The following KLHL8 variants were observed in gnomAD, a reference collection of about 807,000 sequenced individuals.
The protein encoded by KLHL8 is kelch like family member 8.
In KLHL8, 38 loss-of-function variants were observed where a neutral mutation model predicts 63.5. The ratio of observed to expected loss-of-function variants is 0.60; its 90% CI spans 0.46 to 0.78. The LOEUF is 0.78. Among genes scored for constraint, KLHL8 ranks in the 30% least tolerant of loss-of-function variants. The pLI, the probability that KLHL8 is intolerant of heterozygous loss-of-function variation, is 0.00. For synonymous variants in KLHL8, 224 were observed against 254.3 expected (o/e 0.88, Z 1.13); for missense variants, 566 against 752.4 (o/e 0.75, Z 2.90).
At chr4:87,233,996 T>C (rs960454276) in intron 1 of KLHL8, among the ~76,000 whole-genome samples, 6 of 152,200 alleles carry the variant, frequency 3.9e-5, no homozygotes, top group African/African-American at 1.4e-4. Flanking sequence ...TCACAATCAG[T>C]GTTCACTTAT....
chr4:87,217,254 A>G (rs1301862663), intron 1 of KLHL8, among the ~76,000 whole-genome samples: 1 of 149,446 alleles, frequency 6.7e-6, no homozygotes, highest in African/African-American at 2.5e-5. Context: ...AAAAAAAAAA[A>G]GACATAGTCA....
intron 1 of KLHL8, among the ~76,000 whole-genome samples, chr4:87,239,060 T>A (rs1733283806): frequency 1.3e-5 from 2 of 152,238 alleles, no homozygotes; most frequent in South Asian, 4.1e-4. Context: ...AGCTCTGGAT[T>A]CTTTTGTCTT....
intron 2 of KLHL8, among the ~76,000 whole-genome samples, chr4:87,191,313 G>A (rs1731477580): frequency 6.6e-6 from 1 of 152,122 alleles, no homozygotes; most frequent in South Asian, 2.1e-4. Flanking sequence ...TACAAAAAGT[G>A]CAAAAATTAA....
At chr4:87,164,983 C>T (rs1293107361) in intron 8 of KLHL8, among the ~76,000 whole-genome samples, 3 of 151,668 alleles carry the variant, frequency 2.0e-5, no homozygotes, top group East Asian at 1.9e-4. Flanking sequence ...CCCGTCTCTA[C>T]TAAAAATACA....
At chr4:87,224,915 T>C (rs1732945165), upstream of KLHL8, among the ~76,000 whole-genome samples, 1 of 152,334 alleles carries the variant, frequency 6.6e-6, no homozygotes, top group South Asian at 2.1e-4. Context: ...TTTTTGTTTT[T>C]ATTTTGTTAA....
upstream of KLHL8, among the ~76,000 whole-genome samples, chr4:87,224,320 A>G (rs1578409511): frequency 6.6e-6 from 1 of 152,190 alleles, no homozygotes; most frequent in East Asian, 1.9e-4. Context: ...AGAATTTCAG[A>G]TGTGGGCTGG....
In KLHL8 at chr4:87,217,731, C is replaced by G. The variant is rs1732656350; in HGVS notation, c.-152+2687G>C. ...CTCAAACTCCTGGGCTCAAGCAATCCTCCTGCCTTGACCTCCCAAATTGCA... is the reference window on the plus strand; with the variant it reads ...CTCAAACTCCTGGGCTCAAGCAATCGTCCTGCCTTGACCTCCCAAATTGCA... On this transcript the variant is annotated intron_variant, in intron 1 of 9. Transcript: ENST00000273963. Among the ~76,000 whole-genome samples, 4 of 151,226 alleles carry G rather than the reference C, an allele frequency of 2.6e-5. No homozygotes were observed. In the South Asian group the frequency reaches 8.4e-4, roughly 32 times the overall value.
chr4:87,163,725 T>C (rs1730265677), intron 9 of KLHL8, 83 bp from the exon 10 acceptor site: 2 of 1,579,396 alleles, frequency 1.3e-6, no homozygotes, highest in South Asian at 2.3e-5. Context: ...ATTCCCTATG[T>C]GAGACTGGTT....
intron 8 of KLHL8, 55 bp downstream of exon 8, chr4:87,170,024 T>C (rs1029090924): frequency 6.5e-5 from 90 of 1,383,240 alleles, no homozygotes; most frequent in Non-Finnish European, 7.4e-5. Flanking sequence ...TACTCTGTTA[T>C]ATGACACTTG....
intron 1 of KLHL8, among the ~76,000 whole-genome samples, chr4:87,216,305 A>C (rs1208861964): frequency 6.6e-6 from 1 of 152,234 alleles, no homozygotes; most frequent in Admixed American, 6.5e-5. Context: ...ACAGATACTC[A>C]GTGCTTCAAA....
intron 1 of KLHL8, among the ~76,000 whole-genome samples, chr4:87,217,843 C>A (rs978769791): frequency 1.3e-5 from 2 of 151,826 alleles, no homozygotes; most frequent in African/African-American, 4.8e-5. Context: ...ATATAAGTAA[C>A]CAAAAATTTA....
Position 87,170,494 on chromosome 4 carries a change from C to A in KLHL8, c.1330G>T (p.Ala444Ser). Residue 444 changes from alanine to serine, a missense_variant, in exon 7 of 10, where the codon GCA (alanine) becomes TCA (serine). By Grantham distance (99) the Ala-to-Ser change is moderately conservative (BLOSUM62 1). Transcript: ENST00000273963. ...CCTCCACGGGGAGTATTCATTGGTG[C>A]CACTGTACTCCACTGATCAGATTCT... The part of the protein sequence containing the change: ...DIESDQWSTV[A>S]PMNTPRGGVG... 2 of 1,613,164 alleles carry A rather than the reference C, an allele frequency of 1.2e-6. No individual in the cohort carries two copies. Among genetic ancestry groups the A allele is most frequent in the Non-Finnish European group, 1.7e-6 (2 of 1,179,660 alleles).
At chr4:87,192,566 A>G (rs1227706743) in intron 2 of KLHL8, among the ~76,000 whole-genome samples, 3 of 152,220 alleles carry the variant, frequency 2.0e-5, no homozygotes, top group East Asian at 1.9e-4. Context: ...ACAACAAGCT[A>G]TACCATATAG....
In KLHL8 at chr4:87,172,991, A is replaced by G. The variant is rs149789382; in HGVS notation, c.1209-2376T>C. ...CCATCAGATAAAATATCCTTGGCAA[A>G]CTTGAAAGGCCTTCAACCTTTACTT... On this transcript the variant is annotated intron_variant, in intron 6 of 9. Coordinates refer to ENST00000273963, the MANE Select transcript of KLHL8 (RefSeq NM_020803.5). Among the ~76,000 whole-genome samples the G allele has an allele frequency of 2.7e-3, 406 of 152,318 alleles. 4 individuals carry two copies. The highest frequency in any genetic ancestry group is 9.4e-3 in the African/African-American group (389 of 41,574).
intron 1 of KLHL8, among the ~76,000 whole-genome samples, chr4:87,236,852 C>T (rs754144050): frequency 9.6e-4 from 146 of 151,726 alleles, no homozygotes; most frequent in Non-Finnish European, 1.5e-3. Flanking sequence ...TTAGTAGAGA[C>T]GGGGTTTCTC....
chr4:87,215,951 T>C (rs1732579529), intron 1 of KLHL8, among the ~76,000 whole-genome samples: 1 of 152,234 alleles, frequency 6.6e-6, no homozygotes, highest in South Asian at 2.1e-4. Context: ...CAACAGATTA[T>C]GTATATATCA....
chr4:87,163,635 G>A lies in KLHL8; in HGVS notation c.1747C>T (p.Leu583Phe), dbSNP rs1730259334. 6.2e-7 allele frequency: 1 copy of A among 1,613,108 alleles called. No individual in the cohort carries two copies. The highest frequency in any genetic ancestry group is 1.1e-5 in the South Asian group (1 of 90,824). ...AFDPVLNRWELVGSVSHCRAG... is the reference protein window; with the variant it reads ...AFDPVLNRWEFVGSVSHCRAG... ...CTGCAGTGAGACACAGATCCAACAA[G>A]CTCCCACCTGAAAAGACGGAGAAGA... is the stretch of plus-strand genomic sequence containing the variant. The change falls in exon 10 of 10, where the codon CTT becomes TTT. Residue 583 changes from leucine to phenylalanine, a missense_variant. By Grantham distance (22) the Leu-to-Phe change is conservative. Transcript: ENST00000273963.
chr4:87,212,749 C>T (rs763798894), intron 1 of KLHL8, among the ~76,000 whole-genome samples: 2 of 152,086 alleles, frequency 1.3e-5, no homozygotes, highest in Non-Finnish European at 2.9e-5. Context: ...TGTTTAGACA[C>T]ACGAATAGGT....
chr4:87,198,859 C>G (rs1731803229), intron 1 of KLHL8, among the ~76,000 whole-genome samples: 1 of 152,134 alleles, frequency 6.6e-6, no homozygotes, highest in Admixed American at 6.5e-5. Context: ...TTTACAACAA[C>G]CAAGAGGTAG....
Sources: gnomAD v4.1 joint callset for allele counts (sites outside exome capture counted in the v4.1 genomes callset) on GRCh38, gnomAD v4.1.1 for gene constraint, MANE v1.5 for transcripts, NCBI Gene and HGNC (gene_info 2026-07-23, HGNC 2026-07-21) for gene names.